The following SERINC5 variants were observed in gnomAD, a reference collection of about 807,000 sequenced individuals.
The protein encoded by SERINC5 is chromosome 5 open reading frame 12.
SERINC5 carries 41 observed loss-of-function variants against 63.1 expected under a neutral mutation model. The ratio of observed to expected loss-of-function variants is 0.65; its 90% CI spans 0.51 to 0.84. The LOEUF (loss-of-function observed/expected upper bound fraction) is 0.84. SERINC5 is among the 40% of genes least tolerant of loss of function. SERINC5 has a pLI of 0.00. For missense variants in SERINC5, 523 were observed against 573.0 expected, an observed-to-expected ratio of 0.91 and a Z score of 0.89; for synonymous variants, 222 against 215.2, an observed-to-expected ratio of 1.03 and a Z score of -0.28.
chr5:80,242,784 G>A (rs551690233), intron 1 of SERINC5, among the ~76,000 whole-genome samples: 215 of 152,156 alleles, frequency 1.4e-3, no homozygotes, highest in Non-Finnish European at 2.7e-3. Flanking sequence ...GTAACCGGGC[G>A]TGGTGACACA....
rs1444012124 is a variant in SERINC5 at position 80,196,855 on chromosome 5, G to A, written c.195+6031C>T. On this transcript the variant is annotated intron_variant, in intron 2 of 11. Coordinates refer to ENST00000507668, the MANE Select transcript of SERINC5 (RefSeq NM_001174072.3). Reference sequence around the variant, plus strand: ...CTCAGGAGGCCGAGGAAGGAGAATCGCTTGAACCTGGGAGGCGGGGGTTGC... The same window carrying A: ...CTCAGGAGGCCGAGGAAGGAGAATCACTTGAACCTGGGAGGCGGGGGTTGC... Among the ~76,000 whole-genome samples, 13 of 151,728 alleles carry A rather than the reference G, an allele frequency of 8.6e-5. No individual in the cohort carries two copies. In the South Asian group the frequency reaches 1.9e-3, roughly 22 times the overall value.
intron 4 of SERINC5, 144 bp from the exon 5 acceptor site, chr5:80,175,191 T>A: frequency 3.5e-6 from 2 of 579,134 alleles, no homozygotes; most frequent in Non-Finnish European, 6.3e-6. Flanking sequence ...ATTACTATTA[T>A]AAATGTCACT....
At chr5:80,193,929 CAG>C (rs1232632012) in intron 2 of SERINC5, among the ~76,000 whole-genome samples, 5 of 152,150 alleles carry the variant, frequency 3.3e-5, no homozygotes, top group Admixed American at 2.6e-4. Context: ...GGAGGGAACT[CAG>C]AGGATTTAAG....
chr5:80,207,046 T>C (rs1419360533), intron 1 of SERINC5, among the ~76,000 whole-genome samples: 1 of 152,106 alleles, frequency 6.6e-6, no homozygotes, highest in Non-Finnish European at 1.5e-5. Flanking sequence ...TCGCCCAGGC[T>C]GGAGTGCAGT....
intron 2 of SERINC5, among the ~76,000 whole-genome samples, chr5:80,201,624 T>C (rs547006328): frequency 1.3e-5 from 2 of 152,358 alleles, no homozygotes; most frequent in East Asian, 1.9e-4. Flanking sequence ...CAAAGTGTTA[T>C]TTCTTGGGCT....
At chr5:80,111,402 A>G (rs887365697), downstream of SERINC5, among the ~76,000 whole-genome samples, 1 of 152,188 alleles carries the variant, frequency 6.6e-6, no homozygotes, top group African/African-American at 2.4e-5. Flanking sequence ...AAAAAGACAA[A>G]TGGTTACAGG....
intron 2 of SERINC5, among the ~76,000 whole-genome samples, chr5:80,202,441 T>C (rs1469267524): frequency 2.6e-5 from 4 of 151,900 alleles, no homozygotes; most frequent in Non-Finnish European, 5.9e-5. Flanking sequence ...TGATAGACAA[T>C]GGAGACTCAG....
intron 7 of SERINC5, among the ~76,000 whole-genome samples, chr5:80,159,229 C>G (rs1746731078): frequency 6.6e-6 from 1 of 152,192 alleles, no homozygotes; most frequent in Non-Finnish European, 1.5e-5. Flanking sequence ...AGATCCAGAA[C>G]CTAAGGAAAG....
At chr5:80,189,537 T>C (rs1351155467) in intron 2 of SERINC5, among the ~76,000 whole-genome samples, 5 of 152,220 alleles carry the variant, frequency 3.3e-5, no homozygotes, top group Admixed American at 2.6e-4. Context: ...CAGAAGACAC[T>C]GTGCTGCCCT....
At chr5:80,127,489 T>C (rs1336080132) in intron 11 of SERINC5, among the ~76,000 whole-genome samples, 1 of 152,054 alleles carries the variant, frequency 6.6e-6, no homozygotes, top group Non-Finnish European at 1.5e-5. Context: ...CCACTGAGGG[T>C]TTTGGAGTTG....
At chr5:80,203,147 G>C in intron 1 of SERINC5, 94 bp from the exon 2 acceptor site, 1 of 1,247,632 alleles carries the variant, frequency 8.0e-7, no homozygotes, top group African/African-American at 1.5e-5. Context: ...TGGAGTCCCT[G>C]CTACTCGGGG....
intron 1 of SERINC5, among the ~76,000 whole-genome samples, chr5:80,229,227 T>C (rs13165168): frequency 2.6e-5 from 4 of 151,990 alleles, no homozygotes; most frequent in Non-Finnish European, 5.9e-5. Context: ...TTTCACCATG[T>C]TGGCCAGGCT....
At chr5:80,164,274 T>C (rs1220357817) in intron 7 of SERINC5, among the ~76,000 whole-genome samples, 1 of 151,558 alleles carries the variant, frequency 6.6e-6, no homozygotes, top group Non-Finnish European at 1.5e-5. Context: ...ATTTTGTTTA[T>C]CTTTTCAACA....
intron 1 of SERINC5, among the ~76,000 whole-genome samples, chr5:80,238,718 G>A (rs1349773726): frequency 6.7e-6 from 1 of 150,334 alleles, no homozygotes; most frequent in African/African-American, 2.5e-5. Context: ...GGAGACAGAG[G>A]GTAGAGGTTG....
chr5:80,228,610 C>T (rs1397969246), intron 1 of SERINC5, among the ~76,000 whole-genome samples: 2 of 152,108 alleles, frequency 1.3e-5, no homozygotes, highest in Non-Finnish European at 2.9e-5. Flanking sequence ...CACATGCCAC[C>T]ATGCCCTGCT....
At chr5:80,188,754 G>A (rs76477324) in intron 2 of SERINC5, among the ~76,000 whole-genome samples, 18,348 of 151,952 alleles carry the variant, frequency 0.12, 2,020 homozygotes, top group East Asian at 0.56. Context: ...CAGGCATAGT[G>A]GTGCACGCCT....
intron 1 of SERINC5, among the ~76,000 whole-genome samples, chr5:80,216,425 C>A (rs1750665635): frequency 6.6e-6 from 1 of 152,168 alleles, no homozygotes; most frequent in Non-Finnish European, 1.5e-5. Flanking sequence ...CACCTTCAGT[C>A]TGAACACAGG....
chr5:80,219,921 G>C (rs1285518195), intron 1 of SERINC5, among the ~76,000 whole-genome samples: 1 of 152,054 alleles, frequency 6.6e-6, no homozygotes, highest in East Asian at 1.9e-4. Context: ...ATAGAAGCAA[G>C]TCACAGGCCA....
chr5:80,133,304 G>C (rs543124760), intron 11 of SERINC5, among the ~76,000 whole-genome samples: 2 of 152,152 alleles, frequency 1.3e-5, no homozygotes, highest in East Asian at 3.9e-4. Context: ...TGCAAGAAAG[G>C]CCTAACACTA....
Sources: gnomAD v4.1 joint callset for allele counts (sites outside exome capture counted in the v4.1 genomes callset) on GRCh38, gnomAD v4.1.1 for gene constraint, MANE v1.5 for transcripts, NCBI Gene and HGNC (gene_info 2026-07-23, HGNC 2026-07-21) for gene names.